TRPM8: variants seen among roughly 807,000 people sequenced by gnomAD.
The protein encoded by TRPM8 is transient receptor potential cation channel subfamily M member 8, also known as TRPM8 cationic channel.
TRPM8 carries 110 observed loss-of-function variants against 133.7 expected under a neutral mutation model. The ratio of observed to expected loss-of-function variants is 0.82; its 90% CI spans 0.70 to 0.96. The LOEUF is 0.96. TRPM8 is among the 40% of genes least tolerant of loss of function. The pLI is 0.00. For missense variants in TRPM8, 1,291 were observed against 1,379.5 expected (o/e 0.94, Z 1.02); for synonymous variants, 535 against 532.3 (o/e 1.01, Z -0.07).
At chr2:233,978,899 G>A (rs1481222344) in intron 17 of TRPM8, among the ~76,000 whole-genome samples, 1 of 152,112 alleles carries the variant, frequency 6.6e-6, no homozygotes, top group African/African-American at 2.4e-5. Flanking sequence ...TATAAATGAA[G>A]GAAAGGAAAT....
rs561075775 is a variant in TRPM8, at chr2:233,986,665, CAT to C, written c.2939+803_2939+804del. 2.2e-3 allele frequency among the ~76,000 whole-genome samples: 333 copies of C among 152,218 alleles called. 1 individual carries two copies. The highest frequency in any genetic ancestry group is 7.8e-3 in the African/African-American group (322 of 41,542). ...TAGAAACTCTGAATGAGAAGATAAACATATTTGATTATATAAAACAGTTTTAT... is the reference window on the plus strand; with the variant it reads ...TAGAAACTCTGAATGAGAAGATAAACATTTGATTATATAAAACAGTTTTAT... On this transcript the variant is annotated intron_variant, in intron 21 of 25. Coordinates refer to ENST00000324695, the MANE Select transcript of TRPM8 (RefSeq NM_024080.5).
At chr2:233,928,461 A>G (rs1293189349) in intron 2 of TRPM8, among the ~76,000 whole-genome samples, 1 of 152,134 alleles carries the variant, frequency 6.6e-6, no homozygotes, top group East Asian at 1.9e-4. Context: ...TGCAAAGTGC[A>G]TTTTCAGAGG....
In TRPM8 at chr2:233,983,394, A is replaced by G. The variant is rs147704653; in HGVS notation, c.2761+170A>G. On this transcript the variant is annotated intron_variant, in intron 20 of 25. Transcript: ENST00000324695. The stretch of plus-strand genomic sequence containing the variant: ...AAAACCTCTTCTTTGCTCTTAAGCA[A>G]GATTTTACATCAGCCTTGCAGATGG... The G allele has an allele frequency of 8.4e-3, 5,891 of 700,270 alleles. 48 individuals are homozygous for G. Among genetic ancestry groups the G allele is most frequent in the Non-Finnish European group, 0.01 (4,057 of 396,268 alleles). The allele number at this position is 700,270 out of a possible 1,614,324, so 43.4% of individuals were successfully genotyped here. A position where few individuals can be genotyped will look rare whatever the true frequency, so the allele number is the denominator to read the frequency against.
Position 233,997,122 on chromosome 2 carries a change from C to T in TRPM8, c.3130+606C>T, listed in dbSNP as rs532065781. ...TCTACTAAAATACAAAAAAATTAGC[C>T]GGGTGTGGTGGTGTGTGCCTGTAGT... On this transcript the variant is annotated intron_variant, in intron 22 of 25. Coordinates refer to ENST00000324695, the MANE Select transcript of TRPM8 (RefSeq NM_024080.5). Among the ~76,000 whole-genome samples the T allele has an allele frequency of 2.2e-3, 329 of 151,988 alleles. 2 individuals carry two copies. The highest frequency in any genetic ancestry group is 0.014 in the Middle Eastern group (4 of 294).
rs776737159 is a variant in TRPM8 at position 233,926,551 on chromosome 2, C to T, written c.14C>T (p.Ala5Val). 2 of 1,613,882 alleles carry T rather than the reference C, an allele frequency of 1.2e-6. No homozygotes were observed. The highest frequency in any genetic ancestry group is 1.6e-4 in the Middle Eastern group (1 of 6,082). The change falls in exon 2 of 26, where the codon GCA becomes GTA. Residue 5 changes from alanine (A) to valine (V), a missense_variant. Coordinates refer to ENST00000324695, the MANE Select transcript of TRPM8 (RefSeq NM_024080.5). The stretch of plus-strand genomic sequence containing the variant: ...GTCACAGAAAAGATGTCCTTTCGGG[C>T]AGCCAGGCTCAGCATGAGGAACAGA... MSFR[A>V]ARLSMRNRRN...
rs139759512 is a variant in TRPM8 at position 234,008,081 on chromosome 2, G to A, written c.3242G>A (p.Arg1081Gln). 2.8e-4 allele frequency: 455 copies of A among 1,601,400 alleles called. 1 individual carries two copies. The highest frequency in any genetic ancestry group is 3.2e-4 in the Non-Finnish European group (373 of 1,176,876). ...ANDTSEEMRHRFRQLDTKLND... is the reference protein window; with the variant it reads ...ANDTSEEMRHQFRQLDTKLND... ...TAACTTCTTTGCAGAATGAGGCATCGATTTAGACAACTGGATACAAAGGTA... is the reference window on the plus strand; with the variant it reads ...TAACTTCTTTGCAGAATGAGGCATCAATTTAGACAACTGGATACAAAGGTA... Residue 1081 changes from arginine to glutamine, a missense_variant, in exon 24 of 26, where the codon CGA (arginine) becomes CAA (glutamine). Coordinates refer to ENST00000324695, the MANE Select transcript of TRPM8 (RefSeq NM_024080.5).
intron 11 of TRPM8, among the ~76,000 whole-genome samples, chr2:233,958,597 G>A (rs1210324247): frequency 6.6e-6 from 1 of 152,192 alleles, no homozygotes; most frequent in African/African-American, 2.4e-5. Context: ...CCAGTGGAAA[G>A]GCCATTGGAT....
chr2:233,966,953 G>T (rs1191472343), intron 15 of TRPM8, among the ~76,000 whole-genome samples, 198 bp downstream of exon 15: 1 of 152,156 alleles, frequency 6.6e-6, no homozygotes, highest in Non-Finnish European at 1.5e-5. Flanking sequence ...GATGGTGCAG[G>T]ACAAAGAATA....
intron 8 of TRPM8, chr2:233,947,578 T>A: frequency 7.7e-7 from 1 of 1,291,396 alleles, no homozygotes; most frequent in South Asian, 1.2e-5. Flanking sequence ...CACCTGGGGA[T>A]GCAGGTATGT....
chr2:233,924,279 G>A (rs566856701), intron 1 of TRPM8, among the ~76,000 whole-genome samples: 1 of 152,276 alleles, frequency 6.6e-6, no homozygotes, highest in South Asian at 2.1e-4. Context: ...GTGTGATTTT[G>A]TTACTTCTCC....
At chr2:234,012,474 A>AGT (rs762448731) in intron 24 of TRPM8, among the ~76,000 whole-genome samples, 1,287 of 105,852 alleles carry the variant, frequency 0.012, 23 homozygotes, top group Admixed American at 0.064. Flanking sequence ...TGTGTGTGTG[A>AGT]GAGTGTGTGT....
chr2:234,000,157 C>A (rs1293545650), intron 22 of TRPM8, among the ~76,000 whole-genome samples: 2 of 151,530 alleles, frequency 1.3e-5, no homozygotes, highest in Non-Finnish European at 2.9e-5. Flanking sequence ...GTTGCCCAGG[C>A]TGGAGTGCAG....
intron 24 of TRPM8, 83 bp downstream of exon 24, chr2:234,008,186 G>C (rs1431468156): frequency 1.5e-6 from 2 of 1,376,726 alleles, no homozygotes; most frequent in African/African-American, 3.0e-5. Context: ...CAGTAGTTGT[G>C]ATAATAAAAG....
At chr2:233,948,429 C>T (rs933160935) in intron 8 of TRPM8, among the ~76,000 whole-genome samples, 1 of 152,104 alleles carries the variant, frequency 6.6e-6, no homozygotes, top group Non-Finnish European at 1.5e-5. Flanking sequence ...AAGGTCATCA[C>T]CAAGGTGATC....
chr2:233,980,597 G>A (rs1691982113), intron 18 of TRPM8, among the ~76,000 whole-genome samples: 1 of 152,014 alleles, frequency 6.6e-6, no homozygotes, highest in Non-Finnish European at 1.5e-5. Context: ...CAAATGCCAG[G>A]GCTCAAGGGA....
chr2:233,948,508 G>A (rs1691097543), intron 8 of TRPM8, among the ~76,000 whole-genome samples: 1 of 152,230 alleles, frequency 6.6e-6, no homozygotes, highest in Non-Finnish European at 1.5e-5. Context: ...CCACATCAAA[G>A]AGGAAGAGGG....
intron 3 of TRPM8, among the ~76,000 whole-genome samples, chr2:233,932,267 C>T (rs1251913287): frequency 6.6e-6 from 1 of 152,178 alleles, no homozygotes; most frequent in African/African-American, 2.4e-5. Context: ...TGGATGGGCT[C>T]TTCACTATTG....
At chr2:233,996,093 TA>T (rs200380555) in intron 21 of TRPM8, among the ~76,000 whole-genome samples, 12,138 of 136,328 alleles carry the variant, frequency 0.089, 460 homozygotes, top group East Asian at 0.15. Context: ...TTTTTGTGAT[TA>T]AAAAAAAAAA....
At chr2:233,924,710 T>C (rs915607446) in intron 1 of TRPM8, among the ~76,000 whole-genome samples, 3 of 152,190 alleles carry the variant, frequency 2.0e-5, no homozygotes, top group African/African-American at 7.2e-5. Context: ...AAATGTGATT[T>C]GAAGGCAAAA....
Sources: allele counts gnomAD v4.1 joint callset (sites outside exome capture counted in the v4.1 genomes callset), GRCh38; gene constraint gnomAD v4.1.1; transcripts MANE v1.5; gene names NCBI Gene and HGNC (gene_info 2026-07-23, HGNC 2026-07-21).